KLRG1: variants seen among roughly 807,000 people sequenced by gnomAD.
KLRG1 encodes the protein killer cell lectin-like receptor subfamily G member 1.
Under a neutral mutation model 21.8 loss-of-function variants are expected in KLRG1, and 16 were observed. That is an observed-to-expected ratio of 0.73 (90% CI 0.50 to 1.11). The LOEUF (loss-of-function observed/expected upper bound fraction) is 1.11, where lower values mean the gene tolerates loss of function less well. KLRG1 is among the 50% of genes most tolerant of loss of function. The pLI is 0.00. For missense variants in KLRG1, 173 were observed against 218.3 expected, an observed-to-expected ratio of 0.79 and a Z score of 1.31; for synonymous variants, 69 against 75.9, an observed-to-expected ratio of 0.91 and a Z score of 0.47.
chr12:9,206,447 T>C, the KLRG1 span, among the ~76,000 whole-genome samples: 2 of 152,198 alleles, frequency 1.3e-5, no homozygotes, highest in Non-Finnish European at 2.9e-5. Context: ...TCATTGGTAG[T>C]GAGCTGCTAA....
chr12:9,182,145 T>TGGTCATAAGTGAGACAAAAA, the KLRG1 span: 1 of 1,607,508 alleles, frequency 6.2e-7, no homozygotes. Flanking sequence ...TGAGACAAAA[T>TGGTCATAAGTGAGACAAAAA]GGTCATAAGT....
At chr12:9,002,637 T>G (rs1364588149) in intron 3 of KLRG1, among the ~76,000 whole-genome samples, 1 of 151,948 alleles carries the variant, frequency 6.6e-6, no homozygotes, top group African/African-American at 2.4e-5. Flanking sequence ...CACAATCTCA[T>G]CTCACTGCAA....
At chr12:9,094,340 C>CATATATAT in the KLRG1 span, among the ~76,000 whole-genome samples, 664 of 96,940 alleles carry the variant, frequency 6.8e-3, 7 homozygotes, top group East Asian at 0.018. Context: ...AAAAATTGTG[C>CATATATAT]ATATATATAT....
At chr12:9,208,223 C>T in the KLRG1 span, 39 of 1,546,766 alleles carry the variant, frequency 2.5e-5, no homozygotes, top group African/African-American at 1.9e-4. Flanking sequence ...GAGACTGAAA[C>T]GCACTCTGGA....
the KLRG1 span, among the ~76,000 whole-genome samples, chr12:9,204,343 GA>G: frequency 6.6e-6 from 1 of 152,052 alleles, no homozygotes; most frequent in Non-Finnish European, 1.5e-5. Context: ...AATTGGGAGT[GA>G]TTATTCATTG....
chr12:9,068,959 A>G, the KLRG1 span: 7 of 623,930 alleles, frequency 1.1e-5, no homozygotes, highest in Non-Finnish European at 1.6e-5. Flanking sequence ...AGCACACTAT[A>G]GGGTCCTTAA....
the KLRG1 span, chr12:9,027,941 C>G: frequency 1.1e-6 from 1 of 915,502 alleles, no homozygotes; most frequent in Non-Finnish European, 1.8e-6. Flanking sequence ...CTCTCTCTTG[C>G]TTTGACAGTG....
chr12:9,048,705 C>G, the KLRG1 span, among the ~76,000 whole-genome samples: 1 of 152,174 alleles, frequency 6.6e-6, no homozygotes, highest in Non-Finnish European at 1.5e-5. Flanking sequence ...TATAGAACAT[C>G]TACAAAAAAT....
chr12:9,194,348 A>G, the KLRG1 span: 12 of 957,856 alleles, frequency 1.3e-5, no homozygotes, highest in Admixed American at 2.9e-4. Flanking sequence ...CTCCCCCTCA[A>G]AAAAACCCCA....
chr12:9,067,546 C>G, the KLRG1 span: 13 of 501,114 alleles, frequency 2.6e-5, no homozygotes, highest in Non-Finnish European at 4.7e-5. Context: ...TCTTTCCCCA[C>G]AGTCCTTACA....
chr12:8,977,641 C>G (rs1264506235), intron 1 of KLRG1, among the ~76,000 whole-genome samples: 17 of 151,858 alleles, frequency 1.1e-4, no homozygotes, highest in Non-Finnish European at 2.9e-5. Flanking sequence ...TTTTATAGTT[C>G]TTTTGTTCTT....
At chr12:9,008,525 C>T (rs770216651) in intron 3 of KLRG1, among the ~76,000 whole-genome samples, 9 of 152,218 alleles carry the variant, frequency 5.9e-5, no homozygotes, top group Admixed American at 1.3e-4. Flanking sequence ...GACTGGATCG[C>T]TTGAACAACA....
the KLRG1 span, chr12:9,069,896 A>G: frequency 3.5e-6 from 4 of 1,158,348 alleles, no homozygotes; most frequent in Non-Finnish European, 5.2e-6. Context: ...TGTATTGCCA[A>G]AATAACCCTG....
At chr12:9,194,744 G>T in the KLRG1 span, among the ~76,000 whole-genome samples, 2 of 152,092 alleles carry the variant, frequency 1.3e-5, no homozygotes, top group Non-Finnish European at 2.9e-5. Context: ...GATTACAGGC[G>T]TGAGCCACCG....
At chr12:9,157,913 A>C in the KLRG1 span, 1 of 1,233,432 alleles carries the variant, frequency 8.1e-7, no homozygotes, top group South Asian at 1.3e-5. Context: ...TGTTTGATGG[A>C]AACGCTCCTC....
At chr12:9,099,984 T>A in the KLRG1 span, among the ~76,000 whole-genome samples, 2 of 152,274 alleles carry the variant, frequency 1.3e-5, no homozygotes, top group African/African-American at 4.8e-5. Flanking sequence ...CTTTAGAGGT[T>A]GCATTAAGTT....
chr12:9,166,672 C>T, the KLRG1 span, among the ~76,000 whole-genome samples: 108,673 of 152,086 alleles, frequency 0.71, 39,118 homozygotes, highest in East Asian at 0.86. Context: ...TACTTTAAAT[C>T]ACTGTATGGA....
chr12:9,099,522 C>T, the KLRG1 span: 2 of 1,606,410 alleles, frequency 1.2e-6, no homozygotes, highest in Non-Finnish European at 1.7e-6. Flanking sequence ...AATGGCCCTT[C>T]ACTGGGGCAC....
chr12:9,129,993 G>A, the KLRG1 span, among the ~76,000 whole-genome samples: 3 of 152,184 alleles, frequency 2.0e-5, no homozygotes, highest in East Asian at 5.8e-4. Context: ...CCTCTTCTCT[G>A]TCCCTGGTAA....
Sources: gnomAD v4.1 joint callset for allele counts (sites outside exome capture counted in the v4.1 genomes callset) on GRCh38, gnomAD v4.1.1 for gene constraint, MANE v1.5 for transcripts, NCBI Gene and HGNC (gene_info 2026-07-23, HGNC 2026-07-21) for gene names.